WDR72: variants seen among roughly 807,000 people sequenced by gnomAD.
WDR72 encodes WD repeat domain 72.
In WDR72, 120 loss-of-function variants were observed where a neutral mutation model predicts 124.2. The ratio of observed to expected loss-of-function variants is 0.97; its 90% CI spans 0.83 to 1.12. The LOEUF (loss-of-function observed/expected upper bound fraction) is 1.12, where lower values mean the gene tolerates loss of function less well. Ranked by LOEUF, WDR72 falls within the 50% of genes most tolerant of loss-of-function variation. The pLI, the probability that WDR72 is intolerant of heterozygous loss-of-function variation, is 0.00. For missense variants in WDR72, 1,387 were observed against 1,278.8 expected (o/e 1.08, Z -1.29); for synonymous variants, 452 against 441.7 (o/e 1.02, Z -0.29).
intron 18 of WDR72, among the ~76,000 whole-genome samples, chr15:53,524,700 T>C (rs1194210609): frequency 6.6e-6 from 1 of 152,166 alleles, no homozygotes; most frequent in Non-Finnish European, 1.5e-5. Flanking sequence ...TTCTCTGTTC[T>C]ATCAAAGTGC....
rs1175112361 is a variant in WDR72, at chr15:53,715,096, T to C, written c.514+97A>G. 35 of 1,362,378 alleles carry C rather than the reference T, an allele frequency of 2.6e-5. No homozygotes were observed. The Admixed American group carries it at 6.7e-4, about 26-fold the overall frequency. The allele number at this position is 1,362,378 out of a possible 1,614,324, so 84.4% of individuals were successfully genotyped here. A position where few individuals can be genotyped will look rare whatever the true frequency, so the allele number is the denominator to read the frequency against. ...ATTAACAGGTAAGCATAAAGAAGCATTCTTTCTGAATTTCTGCCCAATAAT... is the reference window on the plus strand; with the variant it reads ...ATTAACAGGTAAGCATAAAGAAGCACTCTTTCTGAATTTCTGCCCAATAAT... On this transcript the variant is annotated intron_variant, in intron 5 of 19. Transcript: ENST00000360509.
Position 53,619,784 on chromosome 15 carries a change from G to A in WDR72, c.1963-3541C>T, listed in dbSNP as rs185316814. On this transcript the variant is annotated intron_variant, in intron 14 of 19. Transcript: ENST00000360509. ...CCAACCTGTCTGGAATTGTGCTCTCGTTTTGCTTTTTACCTCTAAGAATTT... is the reference window on the plus strand; with the variant it reads ...CCAACCTGTCTGGAATTGTGCTCTCATTTTGCTTTTTACCTCTAAGAATTT... 1.9e-3 allele frequency among the ~76,000 whole-genome samples: 282 copies of A among 152,004 alleles called. 4 individuals are homozygous for A. Among genetic ancestry groups the A allele is most frequent in the Non-Finnish European group, 2.8e-3 (192 of 67,920 alleles).
chr15:53,590,175 C>T lies in WDR72; in HGVS notation c.3148+6904G>A, dbSNP rs192025706. Among the ~76,000 whole-genome samples the T allele has an allele frequency of 6.1e-3, 925 of 151,912 alleles. 34 individuals are homozygous for T. Among genetic ancestry groups the T allele is most frequent in the Admixed American group, 0.056 (855 of 15,236 alleles). On this transcript the variant is annotated intron_variant, in intron 18 of 19. Coordinates refer to ENST00000360509, the MANE Select transcript of WDR72 (RefSeq NM_182758.4). Reference sequence around the variant, plus strand: ...ATTAGATAATTAAAATTAATCTACACAAATGAAGTTTTAAATTTCTTCCAC... The same window carrying T: ...ATTAGATAATTAAAATTAATCTACATAAATGAAGTTTTAAATTTCTTCCAC...
At chr15:53,599,227 G>A (rs1216168330) in intron 17 of WDR72, among the ~76,000 whole-genome samples, 5 of 151,956 alleles carry the variant, frequency 3.3e-5, no homozygotes, top group Non-Finnish European at 7.4e-5. Flanking sequence ...GCTGATTTAT[G>A]TATCTCACAT....
intron 14 of WDR72, among the ~76,000 whole-genome samples, chr15:53,650,042 A>G (rs945983374): frequency 1.3e-5 from 2 of 152,206 alleles, no homozygotes; most frequent in Non-Finnish European, 2.9e-5. Flanking sequence ...ATAATCTAAA[A>G]GTTCATTAGC....
chr15:53,571,835 A>G (rs1401968420), intron 18 of WDR72, among the ~76,000 whole-genome samples: 2 of 151,420 alleles, frequency 1.3e-5, no homozygotes, highest in Non-Finnish European at 2.9e-5. Context: ...ATAGATTCTC[A>G]CCAACAGTGT....
intron 18 of WDR72, among the ~76,000 whole-genome samples, chr15:53,530,577 C>A (rs1892394222): frequency 6.6e-6 from 1 of 151,788 alleles, no homozygotes; most frequent in Non-Finnish European, 1.5e-5. Context: ...TAAATAGATA[C>A]CCACATATTG....
chr15:53,695,165 G>A (rs2016965069), intron 13 of WDR72, among the ~76,000 whole-genome samples: 1 of 152,152 alleles, frequency 6.6e-6, no homozygotes, highest in African/African-American at 2.4e-5. Context: ...ACAAAAAAGT[G>A]CAATTACTTA....
intron 9 of WDR72, 62 bp downstream of exon 9, chr15:53,710,795 C>A (rs2017510837): frequency 2.2e-6 from 3 of 1,338,490 alleles, no homozygotes; most frequent in Non-Finnish European, 3.2e-6. Flanking sequence ...ACAGACAAAG[C>A]AACACTTATC....
At chr15:53,609,044 T>C (rs2013415774) in intron 17 of WDR72, among the ~76,000 whole-genome samples, 1 of 152,134 alleles carries the variant, frequency 6.6e-6, no homozygotes, top group African/African-American at 2.4e-5. Context: ...CTTGAGGTTA[T>C]GGATACCCCA....
At chr15:53,700,308 T>C (rs1341390451) in intron 12 of WDR72, among the ~76,000 whole-genome samples, 1 of 152,196 alleles carries the variant, frequency 6.6e-6, no homozygotes, top group Non-Finnish European at 1.5e-5. Context: ...AAGAAGCTAT[T>C]TGTAGACACA....
chr15:53,609,208 T>C (rs1043509344), intron 17 of WDR72, among the ~76,000 whole-genome samples: 1 of 152,138 alleles, frequency 6.6e-6, no homozygotes, highest in African/African-American at 2.4e-5. Context: ...GGTACTTTAA[T>C]GTATGGCATA....
intron 3 of WDR72, among the ~76,000 whole-genome samples, chr15:53,717,414 T>G (rs2017744214): frequency 6.6e-6 from 1 of 152,068 alleles, no homozygotes; most frequent in Admixed American, 6.6e-5. Flanking sequence ...AAGAAAAGTT[T>G]TATAGGCCTT....
At chr15:53,671,271 A>G (rs1355333239) in intron 13 of WDR72, among the ~76,000 whole-genome samples, 1 of 152,160 alleles carries the variant, frequency 6.6e-6, no homozygotes, top group Admixed American at 6.5e-5. Flanking sequence ...GTTGAAAACA[A>G]ACAAATTTTT....
chr15:53,710,266 C>CA (rs2017494436), intron 9 of WDR72, among the ~76,000 whole-genome samples: 6 of 152,030 alleles, frequency 3.9e-5, no homozygotes, highest in Admixed American at 3.9e-4. Context: ...GGAGTAGATA[C>CA]GTAAAAATGT....
chr15:53,625,166 A>AT (rs1423818396), intron 14 of WDR72, among the ~76,000 whole-genome samples: 2 of 152,218 alleles, frequency 1.3e-5, no homozygotes, highest in African/African-American at 4.8e-5. Context: ...TCTGACTGCA[A>AT]TTTTTAAAAG....
rs758822572 is a variant in WDR72 at position 53,699,860 on chromosome 15, T to C, written c.1655A>G (p.His552Arg). The C allele has an allele frequency of 1.4e-5, 22 of 1,614,174 alleles. No homozygotes were observed. In the South Asian group the frequency reaches 2.2e-4, roughly 16 times the overall value. Reference protein sequence around the residue: ...LHLEGKSCLLHARKHLFPVRM... With the variant: ...LHLEGKSCLLRARKHLFPVRM... ...CACAGGAAAAAGGTGCTTCCGGGCA[T>C]GCAGGAGGCAACTCTTTCCCTCAAG... Residue 552 changes from histidine to arginine, a missense_variant, in exon 13 of 20, where the codon CAT becomes CGT. His to Arg is a conservative substitution (Grantham distance 29). Transcript: ENST00000360509.
intron 17 of WDR72, among the ~76,000 whole-genome samples, chr15:53,608,817 T>C (rs1187545744): frequency 6.4e-5 from 9 of 140,570 alleles, no homozygotes; most frequent in Admixed American, 1.4e-4. Context: ...CTCATGGACA[T>C]AGAGAGTAGA....
chr15:53,704,867 G>T, intron 11 of WDR72, 121 bp downstream of exon 11: 187 of 929,748 alleles, frequency 2.0e-4, no homozygotes, highest in Non-Finnish European at 2.5e-4. Context: ...ATTAAAATAT[G>T]TACATATTTA....
Sources: gnomAD v4.1 joint callset for allele counts (sites outside exome capture counted in the v4.1 genomes callset) on GRCh38, gnomAD v4.1.1 for gene constraint, MANE v1.5 for transcripts, NCBI Gene and HGNC (gene_info 2026-07-23, HGNC 2026-07-21) for gene names.